The following SPATS2 variants were observed in gnomAD, a reference collection of about 807,000 sequenced individuals.
The protein encoded by SPATS2 is spermatogenesis-associated serine-rich protein 2.
A neutral mutation model predicts 63.7 loss-of-function variants in SPATS2; 38 were observed. The observed-to-expected ratio is 0.60, with a 90% CI of 0.46 to 0.78. The LOEUF (loss-of-function observed/expected upper bound fraction) is 0.78. Among genes scored for constraint, SPATS2 ranks in the 30% least tolerant of loss-of-function variants. SPATS2 has a pLI of 0.00. For synonymous variants in SPATS2, 207 were observed against 232.9 expected (o/e 0.89, Z 1.01); for missense variants, 588 against 666.2 (o/e 0.88, Z 1.29).
intron 2 of SPATS2, among the ~76,000 whole-genome samples, chr12:49,407,659 A>G (rs1250720327): frequency 1.3e-5 from 2 of 152,014 alleles, no homozygotes; most frequent in East Asian, 1.9e-4. Context: ...TATCGCCTTT[A>G]CCCTGCTTCA....
intron 2 of SPATS2, among the ~76,000 whole-genome samples, chr12:49,387,497 C>T (rs932992767): frequency 3.3e-5 from 5 of 151,662 alleles, no homozygotes; most frequent in South Asian, 2.1e-4. Context: ...ATTGGCCAGG[C>T]GCGGTGATGC....
chr12:49,421,255 T>TCCC (rs1207044820), intron 2 of SPATS2, among the ~76,000 whole-genome samples: 12 of 151,618 alleles, frequency 7.9e-5, no homozygotes, highest in Non-Finnish European at 1.6e-4. Context: ...CCGTCTCTAC[T>TCCC]AAAAATACAA....
intron 2 of SPATS2, among the ~76,000 whole-genome samples, chr12:49,376,960 C>T (rs1205811149): frequency 1.3e-5 from 2 of 152,124 alleles, no homozygotes; most frequent in Non-Finnish European, 2.9e-5. Context: ...TTGTGATCCG[C>T]CTGCCTTGGT....
At position 49,458,672 on chromosome 12, in the gene SPATS2, C is replaced by T. The variant is rs1250824015; in HGVS notation, c.-243-2098C>T. Reference sequence around the variant, plus strand: ...GTGCATGCCTACAATTCCAGCTACACGGGAGCCTGAGGCGGAAGAAATGTT... The same window carrying T: ...GTGCATGCCTACAATTCCAGCTACATGGGAGCCTGAGGCGGAAGAAATGTT... On this transcript the variant is annotated intron_variant, in intron 2 of 13. Coordinates refer to ENST00000552918, the MANE Select transcript of SPATS2 (RefSeq NM_023071.4). Among the ~76,000 whole-genome samples, 3 of 150,618 alleles carry T rather than the reference C, an allele frequency of 2.0e-5. No individual in the cohort carries two copies. The South Asian group carries it at 6.3e-4, about 31-fold the overall frequency.
chr12:49,506,784 G>A (rs958045766), intron 9 of SPATS2, among the ~76,000 whole-genome samples: 6 of 151,596 alleles, frequency 4.0e-5, no homozygotes, highest in Admixed American at 2.6e-4. Context: ...AGTGGGCCAT[G>A]ATCTTGCCAC....
At chr12:49,451,276 A>G (rs1226963018) in intron 2 of SPATS2, among the ~76,000 whole-genome samples, 1 of 151,004 alleles carries the variant, frequency 6.6e-6, no homozygotes, top group Non-Finnish European at 1.5e-5. Flanking sequence ...TGATTATTTT[A>G]TTGCTTTTGT....
intron 2 of SPATS2, among the ~76,000 whole-genome samples, chr12:49,396,012 C>T (rs1303253238): frequency 6.6e-6 from 1 of 152,174 alleles, no homozygotes; most frequent in East Asian, 1.9e-4. Flanking sequence ...CATTATTTGT[C>T]CTGTGACTGG....
At chr12:49,467,870 A>G (rs1292598510) in intron 3 of SPATS2, among the ~76,000 whole-genome samples, 1 of 151,686 alleles carries the variant, frequency 6.6e-6, no homozygotes, top group Non-Finnish European at 1.5e-5. Context: ...AGTAGCTGGG[A>G]CTACAGGCAC....
intron 2 of SPATS2, among the ~76,000 whole-genome samples, chr12:49,402,170 C>T (rs192084630): frequency 3.9e-5 from 6 of 152,214 alleles, no homozygotes; most frequent in Admixed American, 1.3e-4. Flanking sequence ...AGTTGCCTCC[C>T]GAATGTCCTA....
At chr12:49,490,304 A>G (rs1946361753) in intron 5 of SPATS2, 1 of 174,010 alleles carries the variant, frequency 5.7e-6, no homozygotes, top group Non-Finnish European at 1.2e-5. Context: ...CTCCAAAACA[A>G]CATAGCCAAG....
chr12:49,494,239 C>T (rs1946429101), intron 6 of SPATS2, among the ~76,000 whole-genome samples: 1 of 152,100 alleles, frequency 6.6e-6, no homozygotes, highest in South Asian at 2.1e-4. Context: ...CAACCTTTAT[C>T]AATTCTACAG....
intron 10 of SPATS2, among the ~76,000 whole-genome samples, chr12:49,515,211 G>A (rs1946818666): frequency 6.6e-6 from 1 of 152,184 alleles, no homozygotes; most frequent in South Asian, 2.1e-4. Context: ...AGAAAAAACA[G>A]ATACCTATTT....
Position 49,526,391 on chromosome 12 carries a change from G to A in SPATS2, c.*136G>A. On this transcript the variant is annotated 3_prime_UTR_variant, in exon 14 of 14. Transcript: ENST00000552918. ...TTTTTGTGCCATTCTAAGTATTTTT[G>A]GTTTCTTGTCTCCTTATTTCCTCTT... The A allele has an allele frequency of 8.0e-6, 9 of 1,123,342 alleles. No homozygotes were observed. The highest frequency in any genetic ancestry group is 1.1e-5 in the Non-Finnish European group (9 of 818,716). The allele number at this position is 1,123,342 out of a possible 1,614,324, so 69.6% of individuals were successfully genotyped here.
At chr12:49,405,582 C>T (rs1432135560) in intron 2 of SPATS2, among the ~76,000 whole-genome samples, 1 of 152,086 alleles carries the variant, frequency 6.6e-6, no homozygotes, top group Non-Finnish European at 1.5e-5. Flanking sequence ...GCCTGTAATC[C>T]CAGCTACTTG....
chr12:49,519,967 A>G (rs935832335), intron 11 of SPATS2, among the ~76,000 whole-genome samples: 35 of 148,448 alleles, frequency 2.4e-4, no homozygotes, highest in Admixed American at 2.1e-3. Context: ...GGCGCCTGCC[A>G]CCACGCCTGG....
chr12:49,438,509 T>C (rs990040540), intron 2 of SPATS2, among the ~76,000 whole-genome samples: 1 of 152,216 alleles, frequency 6.6e-6, no homozygotes, highest in African/African-American at 2.4e-5. Context: ...AAATTCCAGA[T>C]AGTTTTCCAA....
At chr12:49,397,833 TAAAAAAA>T (rs989085737) in intron 2 of SPATS2, among the ~76,000 whole-genome samples, 5 of 82,322 alleles carry the variant, frequency 6.1e-5, no homozygotes, top group Non-Finnish European at 1.2e-4. Flanking sequence ...CTTAGCTCTT[TAAAAAAA>T]AAAAAAAAAA....
At chr12:49,456,620 G>C (rs1018670748) in intron 2 of SPATS2, among the ~76,000 whole-genome samples, 1 of 152,198 alleles carries the variant, frequency 6.6e-6, no homozygotes, top group African/African-American at 2.4e-5. Context: ...GAAGACTCAG[G>C]ATGAGAGATT....
chr12:49,491,936 GTTCTT>G (rs1946389595), intron 6 of SPATS2, among the ~76,000 whole-genome samples: 2 of 152,116 alleles, frequency 1.3e-5, no homozygotes, highest in Admixed American at 1.3e-4. Context: ...TGTTTGGGGT[GTTCTT>G]TTCTTTATTA....
Sources: gnomAD v4.1 joint callset for allele counts (sites outside exome capture counted in the v4.1 genomes callset) on GRCh38, gnomAD v4.1.1 for gene constraint, MANE v1.5 for transcripts, NCBI Gene and HGNC (gene_info 2026-07-23, HGNC 2026-07-21) for gene names.